The following ADGRF5 variants were observed in gnomAD, a reference collection of about 807,000 sequenced individuals.
The protein encoded by ADGRF5 is adhesion G protein-coupled receptor F5.
In ADGRF5, 75 loss-of-function variants were observed where a neutral mutation model predicts 132.3. That is an observed-to-expected ratio of 0.57 (90% CI 0.47 to 0.69). ADGRF5 has a LOEUF of 0.69. ADGRF5 is among the 30% of genes least tolerant of loss of function. The pLI, the probability that ADGRF5 is intolerant of heterozygous loss-of-function variation, is 0.00. For synonymous variants in ADGRF5, 629 were observed against 597.6 expected (o/e 1.05, Z -0.77); for missense variants, 1,516 against 1,630.6 (o/e 0.93, Z 1.21).
At chr6:46,868,231 A>T (rs1770664307) in intron 12 of ADGRF5, among the ~76,000 whole-genome samples, 1 of 152,202 alleles carries the variant, frequency 6.6e-6, no homozygotes, top group South Asian at 2.1e-4. Flanking sequence ...CAGATGTATA[A>T]CCTTGGGTAA....
intron 1 of ADGRF5, among the ~76,000 whole-genome samples, chr6:46,938,300 C>T (rs1308273697): frequency 6.6e-6 from 1 of 152,142 alleles, no homozygotes; most frequent in Non-Finnish European, 1.5e-5. Context: ...TCATAAGAAG[C>T]AAATCAGAGC....
chr6:46,856,517 T>C (rs1225903128), intron 19 of ADGRF5, among the ~76,000 whole-genome samples: 1 of 152,204 alleles, frequency 6.6e-6, no homozygotes, highest in Non-Finnish European at 1.5e-5. Context: ...CTCTATTTAA[T>C]AGACAGAATG....
intron 1 of ADGRF5, among the ~76,000 whole-genome samples, chr6:46,945,521 G>A (rs957823513): frequency 6.6e-6 from 1 of 152,292 alleles, no homozygotes; most frequent in African/African-American, 2.4e-5. Flanking sequence ...GCATCCCTAT[G>A]TCCTAGGAAA....
intron 1 of ADGRF5, among the ~76,000 whole-genome samples, chr6:46,949,109 A>T (rs1186363728): frequency 6.6e-6 from 1 of 152,188 alleles, no homozygotes; most frequent in Non-Finnish European, 1.5e-5. Flanking sequence ...TAGTGTTTTT[A>T]AGAAAGCTAA....
chr6:46,862,156 C>CT (rs1024880260), intron 15 of ADGRF5, among the ~76,000 whole-genome samples: 13 of 152,010 alleles, frequency 8.6e-5, no homozygotes, highest in African/African-American at 2.9e-4. Flanking sequence ...AAGTATTACC[C>CT]TTTTTTTCAA....
intron 3 of ADGRF5, among the ~76,000 whole-genome samples, chr6:46,893,201 G>A (rs1026600365): frequency 1.3e-5 from 2 of 150,898 alleles, no homozygotes; most frequent in African/African-American, 4.9e-5. Context: ...TAGTAAACAG[G>A]TGTTAAAACC....
intron 2 of ADGRF5, among the ~76,000 whole-genome samples, chr6:46,902,408 G>C (rs1774870746): frequency 6.6e-6 from 1 of 152,174 alleles, no homozygotes; most frequent in South Asian, 2.1e-4. Context: ...CTTTCCAATA[G>C]GACTAAAGCA....
intron 1 of ADGRF5, among the ~76,000 whole-genome samples, chr6:46,945,194 G>A (rs1019023586): frequency 6.6e-5 from 10 of 152,174 alleles, no homozygotes; most frequent in African/African-American, 2.4e-4. Flanking sequence ...AAGTCCAAGT[G>A]TCATTCATTT....
chr6:46,918,609 A>G lies in ADGRF5; in HGVS notation c.-25+3104T>C, dbSNP rs1776627513. ...AGAGCACATCCTGTTTATCTAGAAC[A>G]TTTAATCTGCCTTTGTAAAATCTGC... On this transcript the variant is annotated intron_variant, in intron 1 of 20. Coordinates refer to ENST00000283296, the MANE Select transcript of ADGRF5 (RefSeq NM_001098518.2). Among the ~76,000 whole-genome samples, 5 of 152,218 alleles carry G rather than the reference A, an allele frequency of 3.3e-5. No individual in the cohort carries two copies. The South Asian group carries it at 1.0e-3, about 31-fold the overall frequency.
intron 1 of ADGRF5, among the ~76,000 whole-genome samples, chr6:46,941,917 C>T (rs537131976): frequency 6.6e-6 from 1 of 152,344 alleles, no homozygotes; most frequent in South Asian, 2.1e-4. Flanking sequence ...TGAGGTACAA[C>T]TGACAAATAA....
intron 1 of ADGRF5, among the ~76,000 whole-genome samples, chr6:46,939,601 G>A (rs903522819): frequency 6.6e-6 from 1 of 151,982 alleles, no homozygotes; most frequent in African/African-American, 2.4e-5. Flanking sequence ...ATTATTTTTA[G>A]TAGCTTCCTT....
chr6:46,854,199 C>T, intron 20 of ADGRF5, 128 bp from the exon 21 acceptor site: 1 of 590,698 alleles, frequency 1.7e-6, no homozygotes, highest in South Asian at 2.2e-5. Flanking sequence ...GCCTGGAAAC[C>T]AACCCATACC....
Position 46,953,655 on chromosome 6 carries a change from A to ATATATATATATATATATATATATATATG in ADGRF5, c.-25+1078_-25+1079insCATATATATATATATATATATATATATA, listed in dbSNP as rs1561846868. 1.5e-3 allele frequency among the ~76,000 whole-genome samples: 34 copies of ATATATATATATATATATATATATATATG among 22,072 alleles called. 2 individuals are homozygous for ATATATATATATATATATATATATATATG. Among genetic ancestry groups the ATATATATATATATATATATATATATATG allele is most frequent in the Non-Finnish European group, 2.9e-3 (26 of 8,822 alleles). 14.5% of individuals were successfully genotyped at this position (22,072 alleles called of 152,430 possible). On this transcript the variant is annotated intron_variant, in intron 1 of 20. Transcript: ENST00000265417. ...TATATATATATAGATATATGTGTAT[A>ATATATATATATATATATATATATATATG]TATATATATATATATATATATATAT...
intron 10 of ADGRF5, among the ~76,000 whole-genome samples, chr6:46,877,273 TTCTTTCTTTCTTTCTTTCTC>T (rs1359256244): frequency 3.7e-3 from 155 of 42,346 alleles, no homozygotes; most frequent in Middle Eastern, 9.3e-3. Flanking sequence ...CTTTCTTTCT[TTCTTTCTTTCTTTCTTTCTC>T]TCTCTCTCTC....
intron 10 of ADGRF5, among the ~76,000 whole-genome samples, chr6:46,877,265 T>C (rs1413161398): frequency 2.8e-4 from 11 of 38,894 alleles, no homozygotes; most frequent in Non-Finnish European, 1.5e-4. Context: ...CTTTCTTTCT[T>C]TCTTTCTTTC....
In ADGRF5 at chr6:46,866,957, G is replaced by A. The variant is rs150003216; in HGVS notation, c.1802C>T (p.Thr601Ile). 339 of 1,612,464 alleles carry A rather than the reference G, an allele frequency of 2.1e-4. 3 individuals are homozygous for A. In the Middle Eastern group the frequency reaches 8.3e-3, roughly 39 times the overall value. Residue 601 changes from threonine to isoleucine, a missense_variant, in exon 13 of 21, where the codon ACT becomes ATT. Thr to Ile is a moderately conservative substitution (Grantham distance 89). Around this residue, in one of 2 missense-constraint regions of ADGRF5, gnomAD observed 945 missense variants for 929.4 expected, o/e 1.02. Coordinates refer to ENST00000283296, the MANE Select transcript of ADGRF5 (RefSeq NM_001098518.2). ...AAGGGATGAGGAACCCGTATGGAAA[G>A]TAACTTTGTAGTCTCCATCCTCCTC... ...CIEEDGDYKV[T>I]FHTGSSSLPA...
At chr6:46,930,468 G>T (rs554296465) in intron 1 of ADGRF5, among the ~76,000 whole-genome samples, 20 of 152,144 alleles carry the variant, frequency 1.3e-4, no homozygotes, top group African/African-American at 4.6e-4. Context: ...AGCAGTTAAA[G>T]ATTTAACACG....
intron 1 of ADGRF5, among the ~76,000 whole-genome samples, chr6:46,929,327 C>T (rs1041233300): frequency 6.6e-6 from 1 of 151,818 alleles, no homozygotes; most frequent in African/African-American, 2.4e-5. Flanking sequence ...GAACATCACA[C>T]ACCGGGGACT....
At chr6:46,888,299 A>C in intron 4 of ADGRF5, 36 bp downstream of exon 4, 1 of 1,460,880 alleles carries the variant, frequency 6.8e-7, no homozygotes, top group Non-Finnish European at 9.6e-7. Flanking sequence ...CAAGACATCC[A>C]ATCATTTATT....
Sources: gnomAD v4.1 joint callset for allele counts (sites outside exome capture counted in the v4.1 genomes callset) on GRCh38, gnomAD v4.1.1 for gene constraint, gnomAD v4.1.1 regional missense constraint, MANE v1.5 for transcripts, NCBI Gene and HGNC (gene_info 2026-07-23, HGNC 2026-07-21) for gene names.